TAX1BP1: variants seen among roughly 807,000 people sequenced by gnomAD.
TAX1BP1 encodes tax1-binding protein 1.
TAX1BP1 carries 62 observed loss-of-function variants against 97.7 expected under a neutral mutation model. The ratio of observed to expected loss-of-function variants is 0.63; its 90% CI spans 0.52 to 0.78. The LOEUF (loss-of-function observed/expected upper bound fraction) is 0.78. Ranked by LOEUF, TAX1BP1 falls within the 30% of genes least tolerant of loss-of-function variation. TAX1BP1 has a pLI of 0.00. For missense variants in TAX1BP1, 867 were observed against 916.1 expected (o/e 0.95, Z 0.69); for synonymous variants, 340 against 304.2 (o/e 1.12, Z -1.23).
chr7:27,788,331 A>G (rs920791841), intron 8 of TAX1BP1, among the ~76,000 whole-genome samples: 2 of 152,030 alleles, frequency 1.3e-5, no homozygotes, highest in African/African-American at 4.8e-5. Flanking sequence ...AGTTATGCCT[A>G]CCTGTCTCTA....
intron 3 of TAX1BP1, 104 bp from the exon 4 acceptor site, chr7:27,765,730 C>T: frequency 1.0e-6 from 1 of 997,918 alleles, no homozygotes; most frequent in Non-Finnish European, 1.5e-6. Context: ...AGATTCTTGT[C>T]AAGAACAGTG....
intron 13 of TAX1BP1, among the ~76,000 whole-genome samples, chr7:27,804,602 C>A (rs1790264158): frequency 6.6e-6 from 1 of 152,210 alleles, no homozygotes; most frequent in Non-Finnish European, 1.5e-5. Context: ...CAGTCATTTT[C>A]TCACACTTAT....
At chr7:27,821,905 T>C (rs1790993532) in intron 15 of TAX1BP1, among the ~76,000 whole-genome samples, 1 of 152,196 alleles carries the variant, frequency 6.6e-6, no homozygotes, top group African/African-American at 2.4e-5. Flanking sequence ...TGCATAGTAA[T>C]ATAAGTCAAA....
intron 15 of TAX1BP1, among the ~76,000 whole-genome samples, chr7:27,819,345 G>A (rs1790889934): frequency 6.6e-6 from 1 of 152,040 alleles, no homozygotes; most frequent in Admixed American, 6.6e-5. Context: ...TTACTAATGG[G>A]ATGTGTGTGA....
At chr7:27,820,630 A>G (rs1338493234) in intron 15 of TAX1BP1, among the ~76,000 whole-genome samples, 1 of 152,228 alleles carries the variant, frequency 6.6e-6, no homozygotes, top group Non-Finnish European at 1.5e-5. Flanking sequence ...CTTTGCAACA[A>G]ATGGTACTGG....
chr7:27,780,187 T>C (rs1789198210), intron 5 of TAX1BP1, among the ~76,000 whole-genome samples: 1 of 152,186 alleles, frequency 6.6e-6, no homozygotes, highest in African/African-American at 2.4e-5. Context: ...GAGAGTATCT[T>C]ATAACTTAAT....
At chr7:27,772,522 C>T (rs573280829) in intron 5 of TAX1BP1, 1 of 151,972 alleles carries the variant, frequency 6.6e-6, no homozygotes, top group Non-Finnish European at 1.5e-5. Flanking sequence ...AATAATATGA[C>T]TAGCTTATTA....
chr7:27,825,322 CTAAT>C (rs1396985841), intron 15 of TAX1BP1, among the ~76,000 whole-genome samples: 1 of 150,084 alleles, frequency 6.7e-6, no homozygotes, highest in Non-Finnish European at 1.5e-5. Flanking sequence ...GGTTTTGAAA[CTAAT>C]TAACCAGGCT....
intron 5 of TAX1BP1, among the ~76,000 whole-genome samples, chr7:27,773,021 T>C (rs1788903560): frequency 6.6e-6 from 1 of 152,054 alleles, no homozygotes; most frequent in Non-Finnish European, 1.5e-5. Flanking sequence ...GGCTCATTAA[T>C]AAAAATAACT....
Position 27,758,219 on chromosome 7 carries a change from A to G in TAX1BP1, c.265+86A>G, listed in dbSNP as rs1351678304. 11 of 1,042,150 alleles carry G rather than the reference A, an allele frequency of 1.1e-5. No individual in the cohort carries two copies. In the Admixed American group the frequency reaches 2.3e-4, roughly 22 times the overall value. 64.6% of individuals were successfully genotyped at this position (1,042,150 alleles called of 1,614,324 possible). On this transcript the variant is annotated intron_variant, in intron 3 of 16. Transcript: ENST00000396319. ...TGTACTCCATTGTAATGATTTGTTC[A>G]GGTATCTCCAGGGTACCAAAGTTGA... is the stretch of plus-strand genomic sequence containing the variant.
intron 3 of TAX1BP1, among the ~76,000 whole-genome samples, chr7:27,762,403 A>G (rs1788460514): frequency 6.6e-6 from 1 of 152,020 alleles, no homozygotes; most frequent in Admixed American, 6.6e-5. Flanking sequence ...GTTAACTGCC[A>G]GGTTAACTTA....
intron 15 of TAX1BP1, among the ~76,000 whole-genome samples, chr7:27,825,500 T>G (rs1461940227): frequency 2.0e-5 from 3 of 152,224 alleles, no homozygotes; most frequent in Non-Finnish European, 2.9e-5. Flanking sequence ...CATGTTTTAT[T>G]TCATGAGAAC....
In TAX1BP1 at chr7:27,829,118, G is replaced by A. The variant is rs961743424; in HGVS notation, c.*289G>A. 6 of 275,954 alleles carry A rather than the reference G, an allele frequency of 2.2e-5. No homozygotes were observed. Among genetic ancestry groups the A allele is most frequent in the African/African-American group, 1.3e-4 (6 of 45,586 alleles). 17.1% of individuals were successfully genotyped at this position (275,954 alleles called of 1,614,324 possible). ...AGAACTGTCTGAATAAAGGATACAAGGATTATTTCAATGTTACTGCACTGA... is the reference window on the plus strand; with the variant it reads ...AGAACTGTCTGAATAAAGGATACAAAGATTATTTCAATGTTACTGCACTGA... On this transcript the variant is annotated 3_prime_UTR_variant, in exon 17 of 17. Coordinates refer to ENST00000396319, the MANE Select transcript of TAX1BP1 (RefSeq NM_006024.7).
rs17155832 is a variant in TAX1BP1, at chr7:27,780,934, T to A, written c.613-4229T>A. 8.4e-3 allele frequency among the ~76,000 whole-genome samples: 1,274 copies of A among 152,216 alleles called. 14 individuals are homozygous for A. Among genetic ancestry groups the A allele is most frequent in the African/African-American group, 0.028 (1,156 of 41,526 alleles). ...TTCATAAGACTACATCATTGAGTAG[T>A]TCCCATTCAATTTAATTAAAAGGTA... On this transcript the variant is annotated intron_variant, in intron 5 of 16. Coordinates refer to ENST00000396319, the MANE Select transcript of TAX1BP1 (RefSeq NM_006024.7).
intron 13 of TAX1BP1, among the ~76,000 whole-genome samples, chr7:27,809,935 T>C (rs1326484997): frequency 6.6e-6 from 1 of 151,868 alleles, no homozygotes; most frequent in African/African-American, 2.4e-5. Flanking sequence ...AGACGGAGAA[T>C]CTTGCTCTGT....
intron 11 of TAX1BP1, among the ~76,000 whole-genome samples, chr7:27,795,895 A>C (rs1207273926): frequency 2.6e-5 from 4 of 152,194 alleles, no homozygotes; most frequent in African/African-American, 9.7e-5. Context: ...ATCCTTTATT[A>C]TTGAATGCGA....
chr7:27,743,343 G>T (rs1377904781), intron 1 of TAX1BP1, among the ~76,000 whole-genome samples: 1 of 152,172 alleles, frequency 6.6e-6, no homozygotes, highest in Non-Finnish European at 1.5e-5. Context: ...TGAATAATTG[G>T]AAACTATTTG....
intron 13 of TAX1BP1, among the ~76,000 whole-genome samples, chr7:27,800,840 C>T (rs757760247): frequency 4.4e-4 from 67 of 152,140 alleles, no homozygotes; most frequent in Non-Finnish European, 6.3e-4. Context: ...CATGATGGCT[C>T]ACGCCGGTAA....
chr7:27,745,313 C>A (rs573337053), intron 1 of TAX1BP1, among the ~76,000 whole-genome samples: 1 of 152,168 alleles, frequency 6.6e-6, no homozygotes, highest in Non-Finnish European at 1.5e-5. Context: ...CACTCCCGTG[C>A]GACCTTGACA....
Sources: gnomAD v4.1 joint callset for allele counts (sites outside exome capture counted in the v4.1 genomes callset) on GRCh38, gnomAD v4.1.1 for gene constraint, MANE v1.5 for transcripts, NCBI Gene and HGNC (gene_info 2026-07-23, HGNC 2026-07-21) for gene names.